The following KIZ variants were observed in gnomAD, a reference collection of about 807,000 sequenced individuals.
KIZ encodes the protein centrosomal protein kizuna.
A neutral mutation model predicts 79.6 loss-of-function variants in KIZ; 68 were observed. That is an observed-to-expected ratio of 0.85 (90% CI 0.70 to 1.05). KIZ has a LOEUF of 1.05. Among genes scored for constraint, KIZ ranks in the 50% least tolerant of loss-of-function variants. The probability of loss-of-function intolerance (pLI) is 0.00; values close to 1 mark genes in which losing one functional copy is unlikely to be tolerated. For synonymous variants in KIZ, 280 were observed against 281.8 expected, an observed-to-expected ratio of 0.99 and a Z score of 0.06; for missense variants, 797 against 800.4, an observed-to-expected ratio of 1.00 and a Z score of 0.05.
intron 6 of KIZ, among the ~76,000 whole-genome samples, chr20:21,198,977 C>T (rs2035475889): frequency 6.6e-6 from 1 of 152,208 alleles, no homozygotes; most frequent in South Asian, 2.1e-4. Flanking sequence ...GCTCTTTAAT[C>T]TCCCGTTTCT....
intron 6 of KIZ, among the ~76,000 whole-genome samples, chr20:21,164,747 T>TC (rs1246848290): frequency 6.6e-6 from 1 of 151,896 alleles, no homozygotes; most frequent in East Asian, 1.9e-4. Flanking sequence ...AGGCATAAAG[T>TC]CAAGCTCCTT....
intron 2 of KIZ, 40 bp from the exon 3 acceptor site, chr20:21,136,350 A>G (rs958144348): frequency 8.7e-7 from 1 of 1,153,132 alleles, no homozygotes. Context: ...GATTCGTCCA[A>G]GTCTAGTCCA....
chr20:21,210,580 A>G (rs1171167703), intron 7 of KIZ, among the ~76,000 whole-genome samples: 2 of 152,204 alleles, frequency 1.3e-5, no homozygotes, highest in African/African-American at 2.4e-5. Context: ...GATTTTACAA[A>G]TATCTGTAAT....
At chr20:21,191,570 T>G (rs1468817527) in intron 6 of KIZ, among the ~76,000 whole-genome samples, 2 of 152,222 alleles carry the variant, frequency 1.3e-5, no homozygotes, top group Non-Finnish European at 2.9e-5. Flanking sequence ...TTTTTAACTT[T>G]GGAAAATTTT....
intron 4 of KIZ, among the ~76,000 whole-genome samples, chr20:21,154,503 C>T (rs999540981): frequency 1.3e-5 from 2 of 152,288 alleles, no homozygotes; most frequent in African/African-American, 4.8e-5. Flanking sequence ...TTCAAGACTG[C>T]AGATGAATAA....
rs368308231 is a variant in KIZ at position 21,163,153 on chromosome 20, C to T, written c.1346C>T (p.Thr449Ile). The T allele has an allele frequency of 2.5e-6, 4 of 1,603,326 alleles. No homozygotes were observed. Among genetic ancestry groups the T allele is most frequent in the Non-Finnish European group, 3.4e-6 (4 of 1,175,082 alleles). The change falls in exon 6 of 13, where the codon ACA becomes ATA. Residue 449 changes from threonine (T) to isoleucine (I), a missense_variant. Thr to Ile is a moderately conservative substitution (Grantham distance 89, BLOSUM62 -1). Transcript: ENST00000619189. ...SEKESSTNAP[T>I]REPGQTPDSD... Reference sequence around the variant, plus strand: ...AAGGAATCCTCCACTAACGCACCAACAAGAGAGTAAGCCATTCAATTTTTT... The same window carrying T: ...AAGGAATCCTCCACTAACGCACCAATAAGAGAGTAAGCCATTCAATTTTTT...
At chr20:21,203,952 C>G (rs1368956983) in intron 6 of KIZ, among the ~76,000 whole-genome samples, 4 of 152,110 alleles carry the variant, frequency 2.6e-5, no homozygotes, top group Admixed American at 2.0e-4. Flanking sequence ...CTCCATTTTC[C>G]CTTCCCCCCA....
intron 6 of KIZ, among the ~76,000 whole-genome samples, chr20:21,204,181 T>G (rs909146304): frequency 2.8e-5 from 4 of 141,082 alleles, no homozygotes; most frequent in African/African-American, 1.0e-4. Context: ...AGTGGCGGGA[T>G]CTCGGCTCAC....
At chr20:21,241,508 T>C (rs1054104475) in intron 11 of KIZ, among the ~76,000 whole-genome samples, 2 of 152,214 alleles carry the variant, frequency 1.3e-5, no homozygotes, top group Non-Finnish European at 2.9e-5. Flanking sequence ...TTAATTCACA[T>C]TTCACTAGGA....
chr20:21,231,464 G>C (rs2036830188), intron 10 of KIZ, among the ~76,000 whole-genome samples: 1 of 152,144 alleles, frequency 6.6e-6, no homozygotes, highest in African/African-American at 2.4e-5. Flanking sequence ...TAAGTGAAAT[G>C]ACACTCTAGG....
intron 9 of KIZ, among the ~76,000 whole-genome samples, chr20:21,223,803 A>G (rs2036576694): frequency 6.7e-6 from 1 of 149,880 alleles, no homozygotes; most frequent in South Asian, 2.1e-4. Context: ...CTGAGTAGCT[A>G]GGATTACAGG....
intron 6 of KIZ, among the ~76,000 whole-genome samples, chr20:21,172,307 A>G (rs957297112): frequency 1.3e-5 from 2 of 152,184 alleles, no homozygotes; most frequent in African/African-American, 4.8e-5. Context: ...TCTGTGTGAA[A>G]AGTATTATGA....
At chr20:21,179,202 T>G (rs959442599) in intron 6 of KIZ, among the ~76,000 whole-genome samples, 1 of 110,800 alleles carries the variant, frequency 9.0e-6, no homozygotes, top group Non-Finnish European at 1.9e-5. Flanking sequence ...GGTCCTGGGG[T>G]TTTTTTGTTT....
At chr20:21,236,935 A>C (rs2037026885) in intron 11 of KIZ, among the ~76,000 whole-genome samples, 1 of 148,592 alleles carries the variant, frequency 6.7e-6, no homozygotes, top group Non-Finnish European at 1.5e-5. Flanking sequence ...GGGAGGCAGA[A>C]CTTGCAGTGA....
intron 6 of KIZ, among the ~76,000 whole-genome samples, chr20:21,204,500 G>A (rs1433013801): frequency 6.6e-6 from 1 of 151,838 alleles, no homozygotes; most frequent in Non-Finnish European, 1.5e-5. Context: ...TGAACTCAAG[G>A]ATTTTCATGT....
intron 6 of KIZ, among the ~76,000 whole-genome samples, chr20:21,167,831 G>A (rs2034016878): frequency 6.6e-6 from 1 of 152,134 alleles, no homozygotes; most frequent in South Asian, 2.1e-4. Context: ...TGGGATTACA[G>A]ACGTGAGCCA....
intron 6 of KIZ, among the ~76,000 whole-genome samples, chr20:21,186,161 A>G (rs2034869428): frequency 6.6e-6 from 1 of 152,158 alleles, no homozygotes. Context: ...TGATAAATGG[A>G]ATATATCAAT....
chr20:21,180,532 CCTA>C (rs2034613741), intron 6 of KIZ, among the ~76,000 whole-genome samples: 1 of 152,100 alleles, frequency 6.6e-6, no homozygotes. Context: ...CAAGCCAAAT[CCTA>C]CTACGGGTGT....
At chr20:21,152,226 T>C (rs1311141892) in intron 4 of KIZ, among the ~76,000 whole-genome samples, 1 of 152,188 alleles carries the variant, frequency 6.6e-6, no homozygotes, top group Non-Finnish European at 1.5e-5. Flanking sequence ...CTGGGGAAAA[T>C]AAGTAACTTG....
Sources: allele counts gnomAD v4.1 joint callset (sites outside exome capture counted in the v4.1 genomes callset), GRCh38; gene constraint gnomAD v4.1.1; transcripts MANE v1.5; gene names NCBI Gene and HGNC (gene_info 2026-07-23, HGNC 2026-07-21).